LAMA3: variants seen among roughly 807,000 people sequenced by gnomAD.
The protein encoded by LAMA3 is laminin subunit alpha-3.
LAMA3 carries 281 observed loss-of-function variants against 402.0 expected under a neutral mutation model. The observed-to-expected ratio is 0.70, with a 90% CI of 0.63 to 0.77. The LOEUF is 0.77. Among genes scored for constraint, LAMA3 ranks in the 30% least tolerant of loss-of-function variants. The probability of loss-of-function intolerance (pLI) is 0.00; values close to 1 mark genes in which losing one functional copy is unlikely to be tolerated. For synonymous variants in LAMA3, 1,431 were observed against 1,558.4 expected, an observed-to-expected ratio of 0.92 and a Z score of 1.93; for missense variants, 3,840 against 4,215.5, an observed-to-expected ratio of 0.91 and a Z score of 2.47.
chr18:23,904,585 T>G lies in LAMA3; in HGVS notation c.6506T>G (p.Val2169Gly), dbSNP rs1599053072. The change falls in exon 51 of 75, where the codon GTG (valine) becomes GGG (glycine). Residue 2169 changes from valine to glycine, a missense_variant. Val to Gly is a moderately radical substitution (Grantham distance 109, BLOSUM62 -3). Around this residue, in one of 3 missense-constraint regions of LAMA3, gnomAD observed 891 missense variants for 857.5 expected, o/e 1.04. Coordinates refer to ENST00000313654, the MANE Select transcript of LAMA3 (RefSeq NM_198129.4). ...AGAAACGCCAGCGGGGATGAGCTGG[T>G]GCGCTGTGCTGTGGATGCCGCCACC... ...IKRNASGDELVRCAVDAATAY... is the reference protein window; with the variant it reads ...IKRNASGDELGRCAVDAATAY... 6.2e-7 allele frequency: 1 copy of G among 1,608,168 alleles called. No individual in the cohort carries two copies. The highest frequency in any genetic ancestry group is 8.5e-7 in the Non-Finnish European group (1 of 1,177,462).
At chr18:23,794,319 C>G (rs2144116933) in intron 12 of LAMA3, among the ~76,000 whole-genome samples, 1 of 152,360 alleles carries the variant, frequency 6.6e-6, no homozygotes, top group Non-Finnish European at 1.5e-5. Context: ...GCCTAACACA[C>G]CCAACCTTAT....
chr18:23,806,594 A>G (rs2062966807), intron 12 of LAMA3, among the ~76,000 whole-genome samples: 1 of 152,202 alleles, frequency 6.6e-6, no homozygotes, highest in South Asian at 2.1e-4. Flanking sequence ...GTTGGAATTT[A>G]GGGGTTCAGT....
At chr18:23,901,875 G>T (rs557555787) in intron 48 of LAMA3, among the ~76,000 whole-genome samples, 1 of 152,276 alleles carries the variant, frequency 6.6e-6, no homozygotes, top group South Asian at 2.1e-4. Context: ...TGTATTTTTA[G>T]TAGAGACGGG....
chr18:23,741,205 C>T (rs1044776511), intron 2 of LAMA3, among the ~76,000 whole-genome samples: 4 of 151,956 alleles, frequency 2.6e-5, no homozygotes, highest in East Asian at 1.9e-4. Context: ...GTGATCCACC[C>T]GCCTTGGCCT....
chr18:23,946,373 A>G (rs1483117039), intron 70 of LAMA3, 89 bp downstream of exon 70: 6 of 1,322,328 alleles, frequency 4.5e-6, no homozygotes, highest in African/African-American at 2.9e-5. Flanking sequence ...TACTCACCAT[A>G]TGAGAATCTC....
intron 38 of LAMA3, chr18:23,872,937 C>T: frequency 7.0e-7 from 1 of 1,434,410 alleles, no homozygotes; most frequent in Admixed American, 1.8e-5. Flanking sequence ...CTGCCGCAGA[C>T]AGCCTTCCTC....
At chr18:23,797,557 A>G (rs1336014206) in intron 12 of LAMA3, among the ~76,000 whole-genome samples, 3 of 152,106 alleles carry the variant, frequency 2.0e-5, no homozygotes, top group African/African-American at 7.2e-5. Flanking sequence ...CTACTAAACA[A>G]TACAAAAATT....
chr18:23,904,767 G>T lies in LAMA3; in HGVS notation c.6615+73G>T, dbSNP rs1216492039. ...TGATTTTTATATTTTCTTTCCGTGG[G>T]CTCCAAGGAATAGAAACAAAGCATT... is the stretch of plus-strand genomic sequence containing the variant. On this transcript the variant is annotated intron_variant, in intron 51 of 74. Coordinates refer to ENST00000313654, the MANE Select transcript of LAMA3 (RefSeq NM_198129.4). 8.9e-6 allele frequency: 13 copies of T among 1,466,198 alleles called. No homozygotes were observed. The Admixed American group carries it at 2.3e-4, about 26-fold the overall frequency. 90.8% of individuals were successfully genotyped at this position (1,466,198 alleles called of 1,614,324 possible). A position where few individuals can be genotyped will look rare whatever the true frequency, so the allele number is the denominator to read the frequency against.
chr18:23,773,414 T>G lies in LAMA3; in HGVS notation c.1183-83T>G, dbSNP rs533666222. ...AAATTACAATTGTATATGACAGAAT[T>G]ATTCCTCTGGGTGAGTAGCACAAAA... On this transcript the variant is annotated intron_variant, in intron 8 of 74. Coordinates refer to ENST00000313654, the MANE Select transcript of LAMA3 (RefSeq NM_198129.4). 31 of 828,834 alleles carry G rather than the reference T, an allele frequency of 3.7e-5. No homozygotes were observed. The South Asian group carries it at 4.0e-4, about 11-fold the overall frequency. The allele number at this position is 828,834 out of a possible 1,614,324, so 51.3% of individuals were successfully genotyped here.
In LAMA3 at chr18:23,770,691, G is replaced by A. The variant is rs188048207; in HGVS notation, c.1183-2806G>A. Among the ~76,000 whole-genome samples the A allele has an allele frequency of 5.4e-4, 83 of 152,308 alleles. No individual in the cohort carries two copies. In the Middle Eastern group the frequency reaches 0.02, roughly 37 times the overall value. ...CAGGAGAATGGCGTGAACCCGGGAG[G>A]CAGAGGTTGCAGTGAGTCGAGATCG... On this transcript the variant is annotated intron_variant, in intron 8 of 74. Transcript: ENST00000313654.
Position 23,810,396 on chromosome 18 carries a change from A to C in LAMA3, c.1634A>C (p.Gln545Pro), listed in dbSNP as rs369091930. The change falls in exon 13 of 75, where the codon CAG becomes CCG. Residue 545 changes from glutamine (Q) to proline (P), a missense_variant. Around this residue, in one of 3 missense-constraint regions of LAMA3, gnomAD observed 2,109 missense variants for 2,376.0 expected, o/e 0.89. Coordinates refer to ENST00000313654, the MANE Select transcript of LAMA3 (RefSeq NM_198129.4). ...ACWCSALGSYQMPCSSVTGQC... is the reference protein window; with the variant it reads ...ACWCSALGSYPMPCSSVTGQC... Reference sequence around the variant, plus strand: ...TGGTGTTCAGCCCTTGGATCCTACCAGATGCCCTGCAGCTCAGTGACTGGA... The same window carrying C: ...TGGTGTTCAGCCCTTGGATCCTACCCGATGCCCTGCAGCTCAGTGACTGGA... The C allele has an allele frequency of 2.9e-5, 46 of 1,614,032 alleles. No homozygotes were observed. The highest frequency in any genetic ancestry group is 2.8e-4 in the Admixed American group (17 of 59,998).
At chr18:23,936,954 A>G (rs1001912952) in intron 67 of LAMA3, among the ~76,000 whole-genome samples, 15 of 152,336 alleles carry the variant, frequency 9.8e-5, no homozygotes, top group Admixed American at 2.6e-4. Flanking sequence ...GGAGTCCTGT[A>G]AACAGCTGAA....
At chr18:23,743,315 C>T (rs1353790560) in intron 2 of LAMA3, among the ~76,000 whole-genome samples, 1 of 152,132 alleles carries the variant, frequency 6.6e-6, no homozygotes, top group African/African-American at 2.4e-5. Context: ...GGAGTTGATT[C>T]TACTACAACT....
At chr18:23,769,289 G>A (rs939153893) in intron 8 of LAMA3, among the ~76,000 whole-genome samples, 3 of 152,018 alleles carry the variant, frequency 2.0e-5, no homozygotes, top group Admixed American at 6.6e-5. Context: ...AAATGTTTTA[G>A]AGGAGAGAAT....
At chr18:23,707,564 CTA>C (rs1220419006) in intron 1 of LAMA3, among the ~76,000 whole-genome samples, 11 of 152,312 alleles carry the variant, frequency 7.2e-5, no homozygotes, top group Middle Eastern at 3.4e-3. Flanking sequence ...TCATTGGAGA[CTA>C]TTTATCACTT....
chr18:23,907,697 T>C (rs1431505490), intron 53 of LAMA3, 31 bp downstream of exon 53: 4 of 1,611,966 alleles, frequency 2.5e-6, no homozygotes, highest in South Asian at 1.1e-5. Flanking sequence ...TTGTACTCGG[T>C]TGGCTTCTTT....
chr18:23,846,560 A>T (rs1485211429), intron 31 of LAMA3, 52 bp downstream of exon 31: 1 of 1,515,534 alleles, frequency 6.6e-7, no homozygotes, highest in Non-Finnish European at 8.9e-7. Flanking sequence ...CGTGTGGATG[A>T]TGCTTACCAG....
chr18:23,715,214 C>T (rs766741181), intron 2 of LAMA3, among the ~76,000 whole-genome samples: 1 of 150,882 alleles, frequency 6.6e-6, no homozygotes, highest in East Asian at 1.9e-4. Context: ...GTGAATATGC[C>T]GAAGACCATT....
intron 38 of LAMA3, among the ~76,000 whole-genome samples, chr18:23,875,063 C>T (rs1180824464): frequency 1.3e-5 from 2 of 152,150 alleles, no homozygotes; most frequent in East Asian, 3.9e-4. Flanking sequence ...TGAGGTTTCA[C>T]CATGTTGCCC....
Sources: gnomAD v4.1 joint callset for allele counts (sites outside exome capture counted in the v4.1 genomes callset) on GRCh38, gnomAD v4.1.1 for gene constraint, gnomAD v4.1.1 regional missense constraint, MANE v1.5 for transcripts, NCBI Gene and HGNC (gene_info 2026-07-23, HGNC 2026-07-21) for gene names.